The following PKD1L1 variants were observed in gnomAD, a reference collection of about 807,000 sequenced individuals.
PKD1L1 encodes polycystin 1 like 1, transient receptor potential channel interacting.
Under a neutral mutation model 323.4 loss-of-function variants are expected in PKD1L1, and 236 were observed. That is an observed-to-expected ratio of 0.73 (90% confidence interval 0.66 to 0.81). The LOEUF (loss-of-function observed/expected upper bound fraction) is 0.81, where lower values mean the gene tolerates loss of function less well. Ranked by LOEUF, PKD1L1 falls within the 40% of genes least tolerant of loss-of-function variation. The probability of loss-of-function intolerance (pLI) is 0.00; values close to 1 mark genes in which losing one functional copy is unlikely to be tolerated. For synonymous variants in PKD1L1, 1,344 were observed against 1,335.0 expected, an observed-to-expected ratio of 1.01 and a Z score of -0.15; for missense variants, 3,320 against 3,508.0, an observed-to-expected ratio of 0.95 and a Z score of 1.35.
chr7:47,886,508 C>A (rs77370507), intron 17 of PKD1L1, among the ~76,000 whole-genome samples: 6,819 of 152,210 alleles, frequency 0.045, 366 homozygotes, highest in African/African-American at 0.13. Flanking sequence ...GAGGGGGAGC[C>A]TGGTGGGAGG....
At chr7:47,957,862 A>AATATATATATATATATATATAT in the PKD1L1 span, among the ~76,000 whole-genome samples, 299 of 134,598 alleles carry the variant, frequency 2.2e-3, 1 homozygote, top group Non-Finnish European at 3.3e-3. Flanking sequence ...ATTAAAAAAA[A>AATATATATATATATATATATAT]ATATATATAT....
intron 32 of PKD1L1, among the ~76,000 whole-genome samples, chr7:47,846,507 C>G (rs896535719): frequency 1.3e-5 from 2 of 152,212 alleles, no homozygotes; most frequent in African/African-American, 4.8e-5. Context: ...CTACAAACTG[C>G]GTACTCAAAG....
intron 16 of PKD1L1, among the ~76,000 whole-genome samples, chr7:47,888,984 C>G (rs187746860): frequency 6.6e-6 from 1 of 152,132 alleles, no homozygotes; most frequent in Non-Finnish European, 1.5e-5. Context: ...CTGCACCTGA[C>G]GGCCCACGTC....
At chr7:47,951,512 G>A (rs947707502), upstream of PKD1L1, among the ~76,000 whole-genome samples, 3 of 152,168 alleles carry the variant, frequency 2.0e-5, no homozygotes, top group African/African-American at 7.2e-5. Flanking sequence ...AGTTCAGAAT[G>A]AATACCTGAA....
chr7:47,914,793 G>A (rs948302190), intron 8 of PKD1L1, among the ~76,000 whole-genome samples: 18 of 151,298 alleles, frequency 1.2e-4, no homozygotes, highest in African/African-American at 4.4e-4. Context: ...TCCCACTGGT[G>A]GGTGGGGTGT....
chr7:47,954,248 G>A, the PKD1L1 span, among the ~76,000 whole-genome samples: 5 of 152,242 alleles, frequency 3.3e-5, no homozygotes, highest in Non-Finnish European at 5.9e-5. Context: ...GGTTAGCAGC[G>A]TATTTTCACT....
chr7:47,814,248 C>T (rs1335032205), intron 47 of PKD1L1, among the ~76,000 whole-genome samples: 1 of 152,226 alleles, frequency 6.6e-6, no homozygotes, highest in Non-Finnish European at 1.5e-5. Flanking sequence ...GTGTTCGTAA[C>T]TTTCGTCACA....
intron 56 of PKD1L1, among the ~76,000 whole-genome samples, chr7:47,778,334 G>A (rs1473591310): frequency 1.3e-5 from 2 of 152,284 alleles, no homozygotes; most frequent in South Asian, 2.1e-4. Flanking sequence ...TGACTCCGGG[G>A]CAAAGACCTT....
At position 47,839,624 on chromosome 7, in the gene PKD1L1, A is replaced by T; in HGVS notation, c.5591T>A (p.Leu1864His). 1 of 1,584,002 alleles carries T rather than the reference A, an allele frequency of 6.3e-7. No homozygotes were observed. The highest frequency in any genetic ancestry group is 2.3e-5 in the East Asian group (1 of 43,596). Residue 1864 changes from leucine (L) to histidine (H), a missense_variant, in exon 36 of 57, where the codon CTC (leucine) becomes CAC (histidine). Physicochemically the swap from Leu to His is moderately conservative, Grantham distance 99 (BLOSUM62 -3). Transcript: ENST00000289672. This position sits in a 1 kb window ranked among gnomAD's most constrained non-coding sequence, Gnocchi z 4.3. ...GGAAGGCCCACGGCTGTCGTGCCAG[A>T]GGCGGATCTTCCTCAGCAGGCCCAG... ...AQLGLLRKIR[L>H]WHDSRGPSPG...
chr7:47,827,917 C>A (rs906741215), intron 44 of PKD1L1, among the ~76,000 whole-genome samples: 1 of 152,256 alleles, frequency 6.6e-6, no homozygotes, highest in South Asian at 2.1e-4. Flanking sequence ...ATACTCTGTT[C>A]GTGACAGGGC....
At chr7:47,802,430 C>T (rs527857910) in intron 53 of PKD1L1, among the ~76,000 whole-genome samples, 64 of 152,244 alleles carry the variant, frequency 4.2e-4, no homozygotes, top group African/African-American at 1.4e-3. Flanking sequence ...CTCTCAGGTT[C>T]GTTCTCTCTG....
At chr7:47,959,082 C>T in the PKD1L1 span, among the ~76,000 whole-genome samples, 9 of 152,384 alleles carry the variant, frequency 5.9e-5, no homozygotes, top group South Asian at 2.1e-4. Context: ...CCTCGGCCTC[C>T]CGAGGTGCCG....
At chr7:47,778,927 C>T (rs780914233) in intron 56 of PKD1L1, among the ~76,000 whole-genome samples, 6 of 152,136 alleles carry the variant, frequency 3.9e-5, no homozygotes, top group Non-Finnish European at 8.8e-5. Flanking sequence ...CAGACACTGG[C>T]GATCATATCG....
chr7:47,897,978 G>A lies in PKD1L1; in HGVS notation c.2271+10C>T. 6.3e-7 allele frequency: 1 copy of A among 1,594,250 alleles called. No individual in the cohort carries two copies. Among genetic ancestry groups the A allele is most frequent in the South Asian group, 1.1e-5 (1 of 88,440 alleles). On this transcript the variant is annotated intron_variant, in intron 14 of 56. Coordinates refer to ENST00000289672, the MANE Select transcript of PKD1L1 (RefSeq NM_138295.5). Reference sequence around the variant, plus strand: ...ATTGGGCCAGTAGAGCAGTAAGTCAGCCAGCTGACCTTGGCAAGGGCAGTG... The same window carrying A: ...ATTGGGCCAGTAGAGCAGTAAGTCAACCAGCTGACCTTGGCAAGGGCAGTG...
chr7:47,810,257 G>A (rs1784866529), intron 50 of PKD1L1, among the ~76,000 whole-genome samples: 1 of 152,154 alleles, frequency 6.6e-6, no homozygotes, highest in Admixed American at 6.5e-5. Flanking sequence ...TTCACTTTTG[G>A]GTGCTGCAAG....
chr7:47,833,302 C>T (rs1390885840), intron 40 of PKD1L1, 50 bp from the exon 41 acceptor site: 2 of 1,575,998 alleles, frequency 1.3e-6, no homozygotes, highest in Non-Finnish European at 1.7e-6. Context: ...GACAGGGCTT[C>T]ACACGTGACG....
chr7:47,885,673 C>G lies in PKD1L1; in HGVS notation c.3205+13G>C, dbSNP rs774853615. ...AGACAAGAGGGATGACATGCAGGAA[C>G]AGTGGCACTTACCAGAGAGGTGAGG... On this transcript the variant is annotated intron_variant, in intron 18 of 56. Coordinates refer to ENST00000289672, the MANE Select transcript of PKD1L1 (RefSeq NM_138295.5). 8 of 1,603,568 alleles carry G rather than the reference C, an allele frequency of 5.0e-6. No individual in the cohort carries two copies. The highest frequency in any genetic ancestry group is 1.1e-5 in the South Asian group (1 of 89,362).
chr7:47,882,034 C>A lies in PKD1L1; in HGVS notation c.3317G>T (p.Ser1106Ile), dbSNP rs758937372. 3.7e-6 allele frequency: 6 copies of A among 1,614,018 alleles called. No individual in the cohort carries two copies. Among genetic ancestry groups the A allele is most frequent in the Non-Finnish European group, 4.2e-6 (5 of 1,179,996 alleles). ...GSGPSLSAEE[S>I]PGDGDNLVDP... The stretch of plus-strand genomic sequence containing the variant: ...CACCAGGTTATCCCCATCTCCAGGG[C>A]TCTCCTCGGCACTCAAGCTAGGTCC... The change falls in exon 20 of 57, where the codon AGC becomes ATC. Residue 1106 changes from serine (S) to isoleucine (I), a missense_variant. Coordinates refer to ENST00000289672, the MANE Select transcript of PKD1L1 (RefSeq NM_138295.5).
intron 17 of PKD1L1, 140 bp from the exon 18 acceptor site, chr7:47,886,194 G>C (rs541582116): frequency 8.6e-7 from 1 of 1,162,598 alleles, no homozygotes; most frequent in Non-Finnish European, 1.2e-6. Context: ...AAGAGATACA[G>C]GGCAGAGAGT....
Sources: allele counts gnomAD v4.1 joint callset (sites outside exome capture counted in the v4.1 genomes callset), GRCh38; gene constraint gnomAD v4.1.1; non-coding constraint Gnocchi (gnomAD v3.1); transcripts MANE v1.5; gene names NCBI Gene and HGNC (gene_info 2026-07-23, HGNC 2026-07-21).